Variants in CCDC194 observed in about 807,000 individuals in gnomAD.
CCDC194 encodes coiled-coil domain containing 194, also known as coiled-coil domain-containing protein 194.
Under a neutral mutation model 4.9 loss-of-function variants are expected in CCDC194, and 8 were observed. That is an observed-to-expected ratio of 1.65 (90% CI 0.97 to 2.97). The LOEUF (loss-of-function observed/expected upper bound fraction) is 2.97. CCDC194 is among the 30% of genes most tolerant of loss of function. CCDC194 has a pLI of 0.00. For missense variants in CCDC194, 52 were observed against 43.1 expected, an observed-to-expected ratio of 1.21 and a Z score of -0.58; for synonymous variants, 13 against 17.0, an observed-to-expected ratio of 0.76 and a Z score of 0.58.
rs150314300 is a variant in CCDC194 at position 17,393,013 on chromosome 19, C to T, written c.324+822G>A. 6.3e-3 allele frequency among the ~76,000 whole-genome samples: 962 copies of T among 152,242 alleles called. 11 individuals are homozygous for T. The highest frequency in any genetic ancestry group is 0.017 in the Middle Eastern group (5 of 294). On this transcript the variant is annotated intron_variant, in intron 1 of 3. Coordinates refer to ENST00000636079, the Ensembl canonical transcript of CCDC194. ...TGATTTTTAATATTCAGATGCTGCACTACCTCGGCTGGGCTGGGAGGTTGG... is the reference window on the plus strand; with the variant it reads ...TGATTTTTAATATTCAGATGCTGCATTACCTCGGCTGGGCTGGGAGGTTGG...
At chr19:17,393,847 A>G (rs1196927594) in exon 1 of CCDC194, 1 of 397,416 alleles carries the variant, frequency 2.5e-6, no homozygotes, top group Non-Finnish European at 4.4e-6. Flanking sequence ...GGCGGCCTTC[A>G]CAGGCCTTTA....
At chr19:17,392,934 G>A (rs1034656300) in intron 1 of CCDC194, among the ~76,000 whole-genome samples, 5 of 152,044 alleles carry the variant, frequency 3.3e-5, no homozygotes, top group Admixed American at 3.3e-4. Flanking sequence ...CACTCGCCCT[G>A]GCTTCCAAAA....
downstream of CCDC194, among the ~76,000 whole-genome samples, chr19:17,387,821 T>C (rs1461285480): frequency 6.6e-6 from 1 of 152,228 alleles, no homozygotes; most frequent in Non-Finnish European, 1.5e-5. Context: ...GCTGTTTAAA[T>C]GGTGGTTGCA....
At chr19:17,391,378 T>TGCCCCCCCCCCCC in intron 2 of CCDC194, 35 bp from the exon 3 acceptor site, 1 of 501,590 alleles carries the variant, frequency 2.0e-6, no homozygotes, top group Non-Finnish European at 3.5e-6. Context: ...GGCTGGAGAC[T>TGCCCCCCCCCCCC]CCCGCGCCCA....
At chr19:17,391,154 A>G (rs2074652882) in intron 3 of CCDC194, 57 bp downstream of exon 3, 1 of 383,838 alleles carries the variant, frequency 2.6e-6, no homozygotes, top group South Asian at 1.3e-4. Context: ...CTGCGCAAGC[A>G]TTGGTCGCGC....
intron 1 of CCDC194, 48 bp downstream of exon 1, chr19:17,393,787 T>A: frequency 2.5e-6 from 1 of 393,752 alleles, no homozygotes; most frequent in Non-Finnish European, 4.5e-6. Context: ...CCGTCTCTTA[T>A]CTCAACATTC....
chr19:17,393,741 G>C (rs963284409), intron 1 of CCDC194, 94 bp downstream of exon 1: 1 of 390,688 alleles, frequency 2.6e-6, no homozygotes, highest in African/African-American at 2.1e-5. Context: ...GGGAAACCGA[G>C]GCACAGGGAG....
chr19:17,391,294 C>T (rs1023744900), exon 3 of CCDC194: 8 of 421,992 alleles, frequency 1.9e-5, no homozygotes, highest in Non-Finnish European at 2.9e-5. Flanking sequence ...GAGCCTCGTC[C>T]AGCCGCCGCG....
chr19:17,390,662 G>T lies in CCDC194; in HGVS notation c.555-3C>A, dbSNP rs1199238372. ...TCATCTCGGCTTCCAGGACGTTACT[G>T]CCGGGAAGGGGGAAGGGGGCTGTCA... is the stretch of plus-strand genomic sequence containing the variant. On this transcript the variant is annotated splice_region_variant and splice_polypyrimidine_tract_variant and intron_variant, in intron 3 of 3. Transcript: ENST00000636079. The surrounding 1 kb of genome is among the most constrained non-coding windows in gnomAD (Gnocchi z 5.5). 2.0e-5 allele frequency: 8 copies of T among 397,848 alleles called. No individual in the cohort carries two copies. Among genetic ancestry groups the T allele is most frequent in the Non-Finnish European group, 1.8e-5 (4 of 225,628 alleles). The allele number at this position is 397,848 out of a possible 1,614,324, so 24.6% of individuals were successfully genotyped here.
intron 1 of CCDC194, among the ~76,000 whole-genome samples, chr19:17,393,083 T>C (rs1179294500): frequency 2.0e-5 from 3 of 152,130 alleles, no homozygotes; most frequent in Admixed American, 6.6e-5. Context: ...AGTCACTCCA[T>C]AAATGGAAAT....
downstream of CCDC194, among the ~76,000 whole-genome samples, chr19:17,388,487 C>T (rs140406386): frequency 3.9e-5 from 6 of 152,096 alleles, no homozygotes; most frequent in Non-Finnish European, 8.8e-5. Context: ...GCAGCCTCTG[C>T]CTCCCAGGCT....
intron 1 of CCDC194, among the ~76,000 whole-genome samples, chr19:17,392,546 GGTAT>G (rs1481324270): frequency 6.6e-6 from 1 of 152,092 alleles, no homozygotes; most frequent in Middle Eastern, 3.2e-3. Context: ...GAATTTTTGG[GGTAT>G]GTGTCGGTTG....
rs2074654027 is a variant in CCDC194 at position 17,391,348 on chromosome 19, G to A, written c.422-5C>T. The A allele has an allele frequency of 4.5e-6, 2 of 447,566 alleles. No individual in the cohort carries two copies. The highest frequency in any genetic ancestry group is 7.8e-6 in the Non-Finnish European group (2 of 256,332). 27.7% of individuals were successfully genotyped at this position (447,566 alleles called of 1,614,324 possible). A position where few individuals can be genotyped will look rare whatever the true frequency, so the allele number is the denominator to read the frequency against. On this transcript the variant is annotated splice_region_variant and splice_polypyrimidine_tract_variant and intron_variant, in intron 2 of 3. Coordinates refer to ENST00000636079, the Ensembl canonical transcript of CCDC194. Reference sequence around the variant, plus strand: ...CCTCCCAGCGCGCCAGGGCCTCTGGGGGCGCAGGGAGCCGGGTCAGGCTGG... The same window carrying A: ...CCTCCCAGCGCGCCAGGGCCTCTGGAGGCGCAGGGAGCCGGGTCAGGCTGG...
chr19:17,391,956 G>T, intron 1 of CCDC194, 110 bp from the exon 2 acceptor site: 3 of 1,037,810 alleles, frequency 2.9e-6, no homozygotes, highest in Non-Finnish European at 4.0e-6. Context: ...TGTGTCCTGA[G>T]CTTTGTGTGG....
At chr19:17,387,444 A>C (rs1213978959), downstream of CCDC194, among the ~76,000 whole-genome samples, 2 of 152,074 alleles carry the variant, frequency 1.3e-5, no homozygotes, top group African/African-American at 2.4e-5. Flanking sequence ...GGGGCCGGGC[A>C]CAGCGGCTCA....
At chr19:17,388,803 T>C (rs1218568843), downstream of CCDC194, among the ~76,000 whole-genome samples, 1 of 151,266 alleles carries the variant, frequency 6.6e-6, no homozygotes, top group East Asian at 1.9e-4. Flanking sequence ...GTGCCCAGCA[T>C]GATTTTCTTA....
downstream of CCDC194, among the ~76,000 whole-genome samples, chr19:17,388,193 CTTTTT>C (rs71162117): frequency 4.4e-3 from 401 of 92,036 alleles, 2 homozygotes; most frequent in South Asian, 0.027. Context: ...TCTTTTTTTC[CTTTTT>C]TTTTTTTTTT....
At chr19:17,388,110 T>A (rs1373754251), downstream of CCDC194, among the ~76,000 whole-genome samples, 6 of 151,530 alleles carry the variant, frequency 4.0e-5, no homozygotes, top group Non-Finnish European at 8.8e-5. Flanking sequence ...ATGGTCTCGA[T>A]CTCCTGACCT....
At chr19:17,392,311 TAAA>T (rs77753979) in intron 1 of CCDC194, 3,286 of 137,512 alleles carry the variant, frequency 0.024, 41 homozygotes, top group African/African-American at 0.038. Flanking sequence ...CATCTCTACT[TAAA>T]AAAAAAAAAA....
Sources: gnomAD v4.1 joint callset for allele counts (sites outside exome capture counted in the v4.1 genomes callset) on GRCh38, gnomAD v4.1.1 for gene constraint, Gnocchi (gnomAD v3.1) non-coding constraint, MANE v1.5 for transcripts, NCBI Gene and HGNC (gene_info 2026-07-23, HGNC 2026-07-21) for gene names.